The following PPP4R3B variants were observed in gnomAD, a reference collection of about 807,000 sequenced individuals.
PPP4R3B encodes protein phosphatase 4 regulatory subunit 3B, also known as serine/threonine-protein phosphatase 4 regulatory subunit 3B.
PPP4R3B carries 52 observed loss-of-function variants against 95.4 expected under a neutral mutation model. That is an observed-to-expected ratio of 0.54 (90% CI 0.44 to 0.69). The LOEUF is 0.69. Among genes scored for constraint, PPP4R3B ranks in the 30% least tolerant of loss-of-function variants. The probability of loss-of-function intolerance (pLI) is 0.00; values close to 1 mark genes in which losing one functional copy is unlikely to be tolerated. For synonymous variants in PPP4R3B, 407 were observed against 343.9 expected, an observed-to-expected ratio of 1.18 and a Z score of -2.03; for missense variants, 1,003 against 1,005.9, an observed-to-expected ratio of 1.00 and a Z score of 0.04.
intron 1 of PPP4R3B, 43 bp downstream of exon 1, chr2:55,617,101 A>G (rs1306977332): frequency 1.3e-6 from 2 of 1,554,382 alleles, no homozygotes; most frequent in Non-Finnish European, 1.7e-6. Flanking sequence ...CTGTGCCCCA[A>G]CCAGAGGCAC....
intron 3 of PPP4R3B, 103 bp downstream of exon 3, chr2:55,603,875 A>G: frequency 1.5e-6 from 1 of 686,300 alleles, no homozygotes; most frequent in South Asian, 2.5e-5. Context: ...GTCTCACATT[A>G]AGACACTATC....
intron 4 of PPP4R3B, among the ~76,000 whole-genome samples, chr2:55,589,432 C>T (rs917276757): frequency 3.9e-5 from 6 of 152,172 alleles, no homozygotes; most frequent in Admixed American, 1.3e-4. Context: ...ATTTAAAATA[C>T]AATAACTCAT....
chr2:55,554,159 G>A (rs1190207809), intron 16 of PPP4R3B, among the ~76,000 whole-genome samples: 1 of 152,146 alleles, frequency 6.6e-6, no homozygotes, highest in African/African-American at 2.4e-5. Context: ...CTGCCCGCTG[G>A]GCTCAAGTGA....
At chr2:55,574,712 G>C (rs1223997109) in intron 11 of PPP4R3B, among the ~76,000 whole-genome samples, 4 of 151,064 alleles carry the variant, frequency 2.6e-5, no homozygotes, top group Non-Finnish European at 5.9e-5. Flanking sequence ...TCCTGCCTTA[G>C]CCTCCCGAGT....
chr2:55,585,713 C>G (rs1407376423), intron 6 of PPP4R3B, among the ~76,000 whole-genome samples: 1 of 152,130 alleles, frequency 6.6e-6, no homozygotes, highest in Non-Finnish European at 1.5e-5. Flanking sequence ...CCCTCCAACA[C>G]ATGAAGAGTA....
At chr2:55,557,333 G>C (rs1486961691) in intron 16 of PPP4R3B, among the ~76,000 whole-genome samples, 3 of 152,086 alleles carry the variant, frequency 2.0e-5, no homozygotes, top group African/African-American at 7.2e-5. Context: ...TGGGACCACA[G>C]GTGTGTGCCA....
At chr2:55,600,923 C>G (rs1191605201) in intron 3 of PPP4R3B, among the ~76,000 whole-genome samples, 1 of 152,094 alleles carries the variant, frequency 6.6e-6, no homozygotes, top group Non-Finnish European at 1.5e-5. Flanking sequence ...CTTTGGGACG[C>G]TGAGGCAGGC....
intron 2 of PPP4R3B, among the ~76,000 whole-genome samples, chr2:55,607,393 C>G (rs947733090): frequency 5.3e-5 from 8 of 152,190 alleles, no homozygotes; most frequent in Admixed American, 4.6e-4. Context: ...TCCAACCAAA[C>G]GGCTATAAAT....
intron 4 of PPP4R3B, among the ~76,000 whole-genome samples, chr2:55,597,348 C>T (rs1211154761): frequency 2.0e-5 from 3 of 151,678 alleles, no homozygotes; most frequent in African/African-American, 7.3e-5. Flanking sequence ...TTGGGCTGGG[C>T]GGGGTGGCTC....
intron 3 of PPP4R3B, among the ~76,000 whole-genome samples, chr2:55,599,423 G>A (rs1434793657): frequency 6.6e-6 from 1 of 151,950 alleles, no homozygotes. Context: ...GGAAGACAAA[G>A]CAAGACTCTG....
intron 10 of PPP4R3B, among the ~76,000 whole-genome samples, chr2:55,577,830 AT>A (rs1408544777): frequency 6.6e-6 from 1 of 151,936 alleles, no homozygotes; most frequent in African/African-American, 2.4e-5. Flanking sequence ...AAAAAACTCA[AT>A]TAAGTAGGCC....
chr2:55,578,439 T>G, intron 9 of PPP4R3B, 97 bp from the exon 10 acceptor site: 1 of 1,128,206 alleles, frequency 8.9e-7, no homozygotes. Context: ...AAGCTGGAAG[T>G]GTTTTATTAA....
In PPP4R3B at chr2:55,549,898, C is replaced by T; in HGVS notation, c.*13G>A. 6.3e-7 allele frequency: 1 copy of T among 1,589,446 alleles called. No individual in the cohort carries two copies. On this transcript the variant is annotated 3_prime_UTR_variant, in exon 17 of 17. Transcript: ENST00000616407. ...TTGTAAGACCACATGTTGAGGGTCC[C>T]CTAATAAATATTTTATGAGCCAAGA...
chr2:55,578,675 C>T (rs1408617616), intron 9 of PPP4R3B, among the ~76,000 whole-genome samples: 1 of 151,926 alleles, frequency 6.6e-6, no homozygotes, highest in African/African-American at 2.4e-5. Flanking sequence ...ATTCTTGTAC[C>T]TGTCATGCAT....
chr2:55,572,952 T>C (rs540567811), intron 12 of PPP4R3B, among the ~76,000 whole-genome samples: 15 of 152,288 alleles, frequency 9.8e-5, no homozygotes, highest in African/African-American at 3.6e-4. Flanking sequence ...TGTGTTGGTA[T>C]GATACTGTTT....
intron 16 of PPP4R3B, among the ~76,000 whole-genome samples, chr2:55,556,851 C>A (rs1359819328): frequency 6.6e-6 from 1 of 152,098 alleles, no homozygotes; most frequent in African/African-American, 2.4e-5. Context: ...CTGCTTGAGA[C>A]CAGCAGTCTG....
intron 4 of PPP4R3B, chr2:55,591,406 G>A (rs1559017123): frequency 2.1e-6 from 1 of 480,850 alleles, no homozygotes; most frequent in Non-Finnish European, 2.7e-6. Flanking sequence ...GCCTCCCAAA[G>A]TGCTAGGACT....
chr2:55,555,505 G>T (rs1277276867), intron 16 of PPP4R3B, among the ~76,000 whole-genome samples: 1 of 151,864 alleles, frequency 6.6e-6, no homozygotes, highest in Non-Finnish European at 1.5e-5. Flanking sequence ...CTTAAGATCA[G>T]GAGTTCCTGA....
At chr2:55,592,931 C>T (rs1481734234) in intron 4 of PPP4R3B, among the ~76,000 whole-genome samples, 6 of 152,030 alleles carry the variant, frequency 3.9e-5, no homozygotes, top group African/African-American at 9.7e-5. Context: ...TAGGCTGAGG[C>T]GGGTGGATCA....
Sources: allele counts gnomAD v4.1 joint callset (sites outside exome capture counted in the v4.1 genomes callset), GRCh38; gene constraint gnomAD v4.1.1; transcripts MANE v1.5; gene names NCBI Gene and HGNC (gene_info 2026-07-23, HGNC 2026-07-21).